Variants in MYO7B observed in about 807,000 individuals in gnomAD.
MYO7B encodes the protein myosin VIIB, also known as unconventional myosin-VIIb.
In MYO7B, 212 loss-of-function variants were observed where a neutral mutation model predicts 259.7. That is an observed-to-expected ratio of 0.82 (90% CI 0.73 to 0.91). The LOEUF (loss-of-function observed/expected upper bound fraction) is 0.91, where lower values mean the gene tolerates loss of function less well. MYO7B is among the 40% of genes least tolerant of loss of function. The probability of loss-of-function intolerance (pLI) is 0.00; values close to 1 mark genes in which losing one functional copy is unlikely to be tolerated. For missense variants in MYO7B, 2,732 were observed against 2,813.5 expected, an observed-to-expected ratio of 0.97 and a Z score of 0.66; for synonymous variants, 1,197 against 1,166.4, an observed-to-expected ratio of 1.03 and a Z score of -0.54.
chr2:127,609,767 T>G lies in MYO7B; in HGVS notation c.3024+52T>G, dbSNP rs1573688381. The G allele has an allele frequency of 1.9e-6, 3 of 1,611,966 alleles. No homozygotes were observed. Among genetic ancestry groups the G allele is most frequent in the Non-Finnish European group, 2.5e-6 (3 of 1,178,308 alleles). On this transcript the variant is annotated intron_variant, in intron 23 of 47. Transcript: ENST00000409816. The surrounding 1 kb of genome is among the most constrained non-coding windows in gnomAD (Gnocchi z 6.9). Reference sequence around the variant, plus strand: ...GATCAGGCCAGCCCCGAGCCTGGGGTGTGAGCTATGGCTCGGGGAAAGAAG... The same window carrying G: ...GATCAGGCCAGCCCCGAGCCTGGGGGGTGAGCTATGGCTCGGGGAAAGAAG...
In MYO7B at chr2:127,564,412, G is replaced by A. The variant is rs149862020; in HGVS notation, c.132+146G>A. 2.7e-4 allele frequency: 152 copies of A among 568,754 alleles called. 1 individual carries two copies. The Middle Eastern group carries it at 5.6e-3, about 21-fold the overall frequency. 35.2% of individuals were successfully genotyped at this position (568,754 alleles called of 1,614,324 possible). On this transcript the variant is annotated intron_variant, in intron 3 of 47. Transcript: ENST00000409816. ...GGGTGGCAGGACAGATCACGGTGGA[G>A]TCCTGCCATGGAGAACATGGCCTGT...
chr2:127,543,413 T>C (rs11899042), intron 1 of MYO7B, among the ~76,000 whole-genome samples: 48 of 152,102 alleles, frequency 3.2e-4, no homozygotes, highest in African/African-American at 1.1e-3. Flanking sequence ...GAGCACAGGG[T>C]TGGGGCTAGG....
At position 127,590,609 on chromosome 2, in the gene MYO7B, A is replaced by T. The variant is rs549459446; in HGVS notation, c.1992+380A>T. On this transcript the variant is annotated intron_variant, in intron 16 of 47. Transcript: ENST00000409816. This position sits in a 1 kb window ranked among gnomAD's most constrained non-coding sequence, Gnocchi z 4.6. ...TCCCATATGTAAACCACACTCAACA[A>T]AGGCAGAAATCAGTAATAGGACTTT... 1.3e-5 allele frequency among the ~76,000 whole-genome samples: 2 copies of T among 152,348 alleles called. No individual in the cohort carries two copies. The highest frequency in any genetic ancestry group is 3.9e-4 in the East Asian group (2 of 5,184).
Position 127,614,260 on chromosome 2 carries a change from T to C in MYO7B, c.3398+1657T>C, listed in dbSNP as rs779661778. Among the ~76,000 whole-genome samples, 1 of 152,184 alleles carries C rather than the reference T, an allele frequency of 6.6e-6. No individual in the cohort carries two copies. Among genetic ancestry groups the C allele is most frequent in the Non-Finnish European group, 1.5e-5 (1 of 68,028 alleles). On this transcript the variant is annotated intron_variant, in intron 26 of 47. Coordinates refer to ENST00000409816, the MANE Select transcript of MYO7B (RefSeq NM_001393586.1). The surrounding 1 kb of genome is among the most constrained non-coding windows in gnomAD (Gnocchi z 4.6). The stretch of plus-strand genomic sequence containing the variant: ...ACACTGATCCCTTGAGACTTCCTAC[T>C]GACTCTAGGCTGAAGTGGAACATCC...
chr2:127,621,254 T>C (rs1314318858), intron 27 of MYO7B, among the ~76,000 whole-genome samples: 6 of 51,508 alleles, frequency 1.2e-4, no homozygotes, highest in African/African-American at 7.8e-4. Flanking sequence ...TCTTCTGCAA[T>C]TTTTTTTTTT....
At chr2:127,610,220 G>A (rs868581401) in intron 24 of MYO7B, among the ~76,000 whole-genome samples, 21 of 152,230 alleles carry the variant, frequency 1.4e-4, no homozygotes, top group Middle Eastern at 3.4e-3. Context: ...TCCCCATCCC[G>A]GGCTTTTTGA....
rs967139374 is a variant in MYO7B, at chr2:127,623,314, C to T, written c.3758C>T (p.Ala1253Val). The change falls in exon 29 of 48, where the codon GCT becomes GTT. Residue 1253 changes from alanine to valine, a missense_variant. By Grantham distance (64) the Ala-to-Val change is moderately conservative. Around this residue, in one of 3 missense-constraint regions of MYO7B, gnomAD observed 1,906 missense variants for 2,026.4 expected, o/e 0.94. Coordinates refer to ENST00000409816, the MANE Select transcript of MYO7B (RefSeq NM_001393586.1). ...STSREMCMHI[A>V]HKQGLSDHLG... Reference sequence around the variant, plus strand: ...TCTCGGGAAATGTGCATGCACATCGCTCACAAGCAGGGCCTCAGCGACCAC... The same window carrying T: ...TCTCGGGAAATGTGCATGCACATCGTTCACAAGCAGGGCCTCAGCGACCAC... 2 of 1,612,644 alleles carry T rather than the reference C, an allele frequency of 1.2e-6. No individual in the cohort carries two copies. The highest frequency in any genetic ancestry group is 3.3e-5 in the Admixed American group (2 of 59,908).
At chr2:127,581,481 G>A (rs751654829) in intron 10 of MYO7B, among the ~76,000 whole-genome samples, 3 of 152,210 alleles carry the variant, frequency 2.0e-5, no homozygotes, top group African/African-American at 4.8e-5. Flanking sequence ...TTCTTCTTTT[G>A]GTTCGAGGGT....
rs201514037 is a variant in MYO7B at position 127,632,222 on chromosome 2, C to T, written c.5250-24C>T. The T allele has an allele frequency of 8.2e-5, 132 of 1,606,004 alleles. No homozygotes were observed. In the East Asian group the frequency reaches 2.2e-3, roughly 26 times the overall value. On this transcript the variant is annotated intron_variant, in intron 38 of 47. Transcript: ENST00000409816. The stretch of plus-strand genomic sequence containing the variant: ...CCAGGGCCCCCTGAGGGGCCTTTCC[C>T]GGCTGACAAGTGCTACCCTTCAGGC...
chr2:127,611,340 G>T lies in MYO7B; in HGVS notation c.3193-910G>T, dbSNP rs953652367. Among the ~76,000 whole-genome samples, 1 of 152,250 alleles carries T rather than the reference G, an allele frequency of 6.6e-6. No homozygotes were observed. The highest frequency in any genetic ancestry group is 1.5e-5 in the Non-Finnish European group (1 of 68,044). ...AGGACGCAGGGATCACGGGGGCCATGTTGGAGGCTGGCAGCCACTCAGGGA... is the reference window on the plus strand; with the variant it reads ...AGGACGCAGGGATCACGGGGGCCATTTTGGAGGCTGGCAGCCACTCAGGGA... On this transcript the variant is annotated intron_variant, in intron 24 of 47. Transcript: ENST00000409816. The surrounding 1 kb of genome is among the most constrained non-coding windows in gnomAD (Gnocchi z 5.4).
chr2:127,573,907 C>T lies in MYO7B; in HGVS notation c.593-13C>T, dbSNP rs750808412. 2.4e-5 allele frequency: 38 copies of T among 1,613,894 alleles called. No homozygotes were observed. The highest frequency in any genetic ancestry group is 6.7e-5 in the African/African-American group (5 of 74,942). ...CTCTGCTCCCATCATGGGCATCGCC[C>T]GCTTACCTTCAGCCTTTGGAAATGC... On this transcript the variant is annotated splice_polypyrimidine_tract_variant and intron_variant, in intron 6 of 47. Transcript: ENST00000409816.
At chr2:127,580,023 C>T (rs778361348) in intron 9 of MYO7B, among the ~76,000 whole-genome samples, 20 of 152,224 alleles carry the variant, frequency 1.3e-4, no homozygotes, top group Non-Finnish European at 2.6e-4. Context: ...CCGCAAGGAC[C>T]TCGGAGGGCT....
rs1193357183 is a variant in MYO7B, at chr2:127,636,527, C to A, written c.6124-18C>A. 2 of 1,603,450 alleles carry A rather than the reference C, an allele frequency of 1.2e-6. No individual in the cohort carries two copies. The highest frequency in any genetic ancestry group is 2.2e-5 in the South Asian group (2 of 89,448). ...GCCTCCCGGGCTGGACTATGACCGC[C>A]GTGTCCCTCCCTCCCAGCAAACCTC... On this transcript the variant is annotated intron_variant, in intron 45 of 47. Coordinates refer to ENST00000409816, the MANE Select transcript of MYO7B (RefSeq NM_001393586.1). This position sits in a 1 kb window ranked among gnomAD's most constrained non-coding sequence, Gnocchi z 4.5.
intron 19 of MYO7B, among the ~76,000 whole-genome samples, chr2:127,605,334 C>G (rs1464102978): frequency 6.6e-6 from 1 of 152,192 alleles, no homozygotes; most frequent in African/African-American, 2.4e-5. Flanking sequence ...CAGTGGCTCA[C>G]GCCTGTAATC....
chr2:127,637,332 A>G lies in MYO7B; in HGVS notation c.6344A>G (p.Asp2115Gly), dbSNP rs540734246. The part of the protein sequence containing the change: ...CETSLGYKMD[D>G]LLTSYVQQLL... ...CCTGTCCAGGGCTATAAGATGGATG[A>G]CCTGCTGACCTCATATGTGCAGCAG... Residue 2115 changes from aspartate (D) to glycine (G), a missense_variant, in exon 48 of 48, where the codon GAC becomes GGC. Around this residue, in one of 3 missense-constraint regions of MYO7B, gnomAD observed 821 missense variants for 769.3 expected, o/e 1.07. Transcript: ENST00000409816. 62 of 1,588,778 alleles carry G rather than the reference A, an allele frequency of 3.9e-5. No homozygotes were observed. In the East Asian group the frequency reaches 1.4e-3, roughly 36 times the overall value.
chr2:127,636,175 A>C lies in MYO7B; in HGVS notation c.6007-33A>C. 1.9e-6 allele frequency: 3 copies of C among 1,565,060 alleles called. No homozygotes were observed. The highest frequency in any genetic ancestry group is 2.6e-6 in the Non-Finnish European group (3 of 1,139,770). On this transcript the variant is annotated intron_variant, in intron 44 of 47. Transcript: ENST00000409816. This position sits in a 1 kb window ranked among gnomAD's most constrained non-coding sequence, Gnocchi z 4.5. The stretch of plus-strand genomic sequence containing the variant: ...CCAGGGCTTTGGAGGGCCTCTGGGC[A>C]CCCAAGTCCTTACTGGCCCTCCTGT...
chr2:127,549,062 C>T (rs561312097), intron 1 of MYO7B, among the ~76,000 whole-genome samples: 1 of 151,950 alleles, frequency 6.6e-6, no homozygotes, highest in East Asian at 1.9e-4. Context: ...CTCTTTATTC[C>T]TCATAATATT....
Position 127,624,077 on chromosome 2 carries a change from C to T in MYO7B, c.3820-16C>T, listed in dbSNP as rs771984916. 6.5e-7 allele frequency: 1 copy of T among 1,546,294 alleles called. No homozygotes were observed. Among genetic ancestry groups the T allele is most frequent in the Non-Finnish European group, 8.7e-7 (1 of 1,144,208 alleles). On this transcript the variant is annotated splice_polypyrimidine_tract_variant and intron_variant, in intron 29 of 47. Transcript: ENST00000409816. ...TGCAACAGCCGCTAACCCCTGCTCC[C>T]CGACTCTGGCCTCAGTTCTGGTCCC...
At chr2:127,569,203 G>A (rs1452504526) in intron 5 of MYO7B, among the ~76,000 whole-genome samples, 10 of 95,476 alleles carry the variant, frequency 1.0e-4, no homozygotes, top group African/African-American at 1.8e-4. Context: ...GTGAGACTCC[G>A]TCTCAAAAAA....
Sources: gnomAD v4.1 joint callset for allele counts (sites outside exome capture counted in the v4.1 genomes callset) on GRCh38, gnomAD v4.1.1 for gene constraint, gnomAD v4.1.1 regional missense constraint, Gnocchi (gnomAD v3.1) non-coding constraint, MANE v1.5 for transcripts, NCBI Gene and HGNC (gene_info 2026-07-23, HGNC 2026-07-21) for gene names.